The following KIF14 variants were observed in gnomAD, a reference collection of about 807,000 sequenced individuals.
KIF14 encodes the protein kinesin family member 14.
A neutral mutation model predicts 176.2 loss-of-function variants in KIF14; 98 were observed. The observed-to-expected ratio is 0.56, with a 90% CI of 0.47 to 0.66. The LOEUF (loss-of-function observed/expected upper bound fraction) is 0.66. KIF14 is among the 30% of genes least tolerant of loss of function. KIF14 has a pLI of 0.00. For synonymous variants in KIF14, 566 were observed against 632.2 expected (o/e 0.90, Z 1.57); for missense variants, 1,751 against 1,920.4 (o/e 0.91, Z 1.65).
Position 200,589,230 on chromosome 1 carries a change from A to C in KIF14, c.3101T>G (p.Leu1034Trp), listed in dbSNP as rs1416341849. 1 of 1,604,698 alleles carries C rather than the reference A, an allele frequency of 6.2e-7. No individual in the cohort carries two copies. The highest frequency in any genetic ancestry group is 2.2e-5 in the East Asian group (1 of 44,712). ...VNKKRLEMET[L>W]ATKQALEDHS... is the part of the protein sequence containing the mutation. Reference sequence around the variant, plus strand: ...CAATAAAATTACCTGTTTTGTAGCCAATGTTTCCATTTCTAATCGCTTTTT... The same window carrying C: ...CAATAAAATTACCTGTTTTGTAGCCCATGTTTCCATTTCTAATCGCTTTTT... The change falls in exon 18 of 30, where the codon TTG (leucine) becomes TGG (tryptophan). Residue 1034 changes from leucine (L) to tryptophan (W), a missense_variant. Coordinates refer to ENST00000367350, the MANE Select transcript of KIF14 (RefSeq NM_014875.3).
chr1:200,560,944 A>G, intron 25 of KIF14, 64 bp from the exon 26 acceptor site: 1 of 1,490,994 alleles, frequency 6.7e-7, no homozygotes, highest in Non-Finnish European at 9.3e-7. Flanking sequence ...TAAAGAAAAG[A>G]TAAGGGCCGG....
chr1:200,594,653 C>A (rs551740318), intron 14 of KIF14, among the ~76,000 whole-genome samples: 12 of 152,168 alleles, frequency 7.9e-5, no homozygotes, highest in Non-Finnish European at 1.3e-4. Context: ...ATATTTGAGT[C>A]TTTTTATTCA....
At chr1:200,574,937 A>ATT (rs35584654) in intron 22 of KIF14, among the ~76,000 whole-genome samples, 42,944 of 110,496 alleles carry the variant, frequency 0.39, 8,867 homozygotes, top group East Asian at 0.54. Context: ...AGAAAGGGTA[A>ATT]TTTTTTTTTT....
At chr1:200,580,522 T>C in intron 20 of KIF14, 139 bp from the exon 21 acceptor site, 2 of 396,746 alleles carry the variant, frequency 5.0e-6, no homozygotes, top group Non-Finnish European at 8.5e-6. Context: ...ATTTTTATTA[T>C]AGTAATAATC....
At chr1:200,584,311 T>C (rs1405230874) in intron 19 of KIF14, among the ~76,000 whole-genome samples, 1 of 150,932 alleles carries the variant, frequency 6.6e-6, no homozygotes, top group Non-Finnish European at 1.5e-5. Context: ...CTTTTCAAAC[T>C]CTTCCAAAAA....
intron 22 of KIF14, among the ~76,000 whole-genome samples, chr1:200,571,320 G>GAAAAA (rs57110701): frequency 1.5e-5 from 2 of 133,524 alleles, no homozygotes; most frequent in Non-Finnish European, 3.2e-5. Flanking sequence ...ATCTCAAAAA[G>GAAAAA]AAAAAAAAAA....
At chr1:200,615,738 G>T in intron 2 of KIF14, 129 bp from the exon 3 acceptor site, 2 of 822,636 alleles carry the variant, frequency 2.4e-6, no homozygotes, top group Non-Finnish European at 3.6e-6. Context: ...GTAGTTTTAT[G>T]TGGAAAATGC....
At chr1:200,596,888 C>CTTTT (rs993346438) in intron 14 of KIF14, among the ~76,000 whole-genome samples, 79 of 99,222 alleles carry the variant, frequency 8.0e-4, no homozygotes, top group Non-Finnish European at 1.0e-3. Context: ...CTCTCTCTCT[C>CTTTT]TTTTTTTTTT....
rs183845151 is a variant in KIF14 at position 200,572,620 on chromosome 1, A to G, written c.3567-2615T>C. 3.7e-3 allele frequency among the ~76,000 whole-genome samples: 570 copies of G among 152,326 alleles called. 4 individuals are homozygous for G. The highest frequency in any genetic ancestry group is 0.012 in the South Asian group (56 of 4,828). On this transcript the variant is annotated intron_variant, in intron 22 of 29. Coordinates refer to ENST00000367350, the MANE Select transcript of KIF14 (RefSeq NM_014875.3). Reference sequence around the variant, plus strand: ...GGCCTCCCAAAGTGCTGGGATTACAAGCATGAGCCACTGCACCCAGCCCCG... The same window carrying G: ...GGCCTCCCAAAGTGCTGGGATTACAGGCATGAGCCACTGCACCCAGCCCCG...
At chr1:200,588,461 G>A (rs896793240) in intron 18 of KIF14, among the ~76,000 whole-genome samples, 2 of 151,926 alleles carry the variant, frequency 1.3e-5, no homozygotes, top group Admixed American at 6.6e-5. Flanking sequence ...GGATGGCATC[G>A]ATCTCTTAAC....
chr1:200,564,181 G>A (rs994329332), intron 25 of KIF14, among the ~76,000 whole-genome samples: 4 of 102,510 alleles, frequency 3.9e-5, no homozygotes, highest in African/African-American at 9.5e-5. Flanking sequence ...AGAATCGCTT[G>A]AACCCAGGAG....
At chr1:200,614,182 C>A in intron 4 of KIF14, 136 bp downstream of exon 4, 1 of 538,594 alleles carries the variant, frequency 1.9e-6, no homozygotes, top group South Asian at 2.8e-5. Flanking sequence ...CTCCATACCA[C>A]TGTTCCAAAG....
rs754145482 is a variant in KIF14, at chr1:200,605,859, C to T, written c.1638+5G>A. The T allele has an allele frequency of 7.9e-6, 12 of 1,514,984 alleles. No homozygotes were observed. The East Asian group carries it at 3.0e-4, about 37-fold the overall frequency. 93.8% of individuals were successfully genotyped at this position (1,514,984 alleles called of 1,614,324 possible). On this transcript the variant is annotated splice_donor_5th_base_variant and intron_variant, in intron 7 of 29. Coordinates refer to ENST00000367350, the MANE Select transcript of KIF14 (RefSeq NM_014875.3). ...CTAGTGAAAAGAAAACAAAATCAAT[C>T]TTACCTGGATATCAGCGTAAGAACT...
intron 4 of KIF14, 149 bp from the exon 5 acceptor site, chr1:200,609,077 A>G (rs1051986029): frequency 6.2e-5 from 30 of 485,418 alleles, no homozygotes; most frequent in South Asian, 1.3e-4. Flanking sequence ...TTTAAAATGC[A>G]CAAAGGACTT....
intron 16 of KIF14, among the ~76,000 whole-genome samples, chr1:200,590,894 T>C (rs7526878): frequency 0.19 from 28,609 of 152,020 alleles, 3,340 homozygotes; most frequent in African/African-American, 0.32. Context: ...GGCGTGGTGG[T>C]GTGCGCCTAT....
Position 200,618,324 on chromosome 1 carries a change from T to C in KIF14, c.400A>G (p.Lys134Glu), listed in dbSNP as rs1660515394. 6.2e-7 allele frequency: 1 copy of C among 1,613,912 alleles called. No individual in the cohort carries two copies. Among genetic ancestry groups the C allele is most frequent in the Non-Finnish European group, 8.5e-7 (1 of 1,180,030 alleles). ...RAKTDSAEKWKTAEIDSVKMT... is the reference protein window; with the variant it reads ...RAKTDSAEKWETAEIDSVKMT... ...TTGACAGAATCTATTTCAGCTGTTTTCCACTTTTCTGCAGAATCTGTTTTA... is the reference window on the plus strand; with the variant it reads ...TTGACAGAATCTATTTCAGCTGTTTCCCACTTTTCTGCAGAATCTGTTTTA... Residue 134 changes from lysine to glutamate, a missense_variant, in exon 2 of 30, where the codon AAA becomes GAA. Lys to Glu is a moderately conservative substitution (Grantham distance 56). Transcript: ENST00000367350.
chr1:200,610,497 G>A (rs930277523), intron 4 of KIF14, among the ~76,000 whole-genome samples: 12 of 129,496 alleles, frequency 9.3e-5, no homozygotes, highest in Non-Finnish European at 1.8e-4. Flanking sequence ...GTGACAGAGC[G>A]AGACTTCCTC....
rs749208520 is a variant in KIF14, at chr1:200,590,229, C to T, written c.2857G>A (p.Glu953Lys). ...IKEAQLKAKE[E>K]MMQGIQIAKE... ...GCAATCTGGATTCCTTGCATCATTTCTTCCTTTGCCTTCAACTGAGCCTCT... is the reference window on the plus strand; with the variant it reads ...GCAATCTGGATTCCTTGCATCATTTTTTCCTTTGCCTTCAACTGAGCCTCT... The change falls in exon 17 of 30, where the codon GAA becomes AAA. Residue 953 changes from glutamate (E) to lysine (K), a missense_variant. Glu to Lys is a moderately conservative substitution (Grantham distance 56, BLOSUM62 1). Transcript: ENST00000367350. 3 of 1,613,852 alleles carry T rather than the reference C, an allele frequency of 1.9e-6. No homozygotes were observed. Among genetic ancestry groups the T allele is most frequent in the South Asian group, 2.2e-5 (2 of 91,070 alleles).
In KIF14 at chr1:200,565,454, G is replaced by T; in HGVS notation, c.3877C>A (p.Gln1293Lys). ...CAGTGAGATTGCTTACAGTTATCTT[G>T]ACTTTCTTCATCTTGTTCTTCATGA... is the stretch of plus-strand genomic sequence containing the variant. ...KAHEEQDEES[Q>K]DNLFSSDRAI... The change falls in exon 24 of 30, where the codon CAA (glutamine) becomes AAA (lysine). Residue 1293 changes from glutamine to lysine, a missense_variant. Gln to Lys is a moderately conservative substitution (Grantham distance 53). Coordinates refer to ENST00000367350, the MANE Select transcript of KIF14 (RefSeq NM_014875.3). 6.3e-7 allele frequency: 1 copy of T among 1,587,484 alleles called. No homozygotes were observed. Among genetic ancestry groups the T allele is most frequent in the South Asian group, 1.2e-5 (1 of 86,040 alleles).
Sources: gnomAD v4.1 joint callset for allele counts (sites outside exome capture counted in the v4.1 genomes callset) on GRCh38, gnomAD v4.1.1 for gene constraint, MANE v1.5 for transcripts, NCBI Gene and HGNC (gene_info 2026-07-23, HGNC 2026-07-21) for gene names.